TEKT1: variants seen among roughly 807,000 people sequenced by gnomAD.
TEKT1 encodes the protein tektin-1.
TEKT1 carries 32 observed loss-of-function variants against 34.8 expected under a neutral mutation model. The observed-to-expected ratio is 0.92, with a 90% CI of 0.69 to 1.23. The LOEUF (loss-of-function observed/expected upper bound fraction) is 1.23, where lower values mean the gene tolerates loss of function less well. Among genes scored for constraint, TEKT1 ranks in the 50% most tolerant of loss-of-function variants. The pLI, the probability that TEKT1 is intolerant of heterozygous loss-of-function variation, is 0.00. For synonymous variants in TEKT1, 207 were observed against 199.8 expected, an observed-to-expected ratio of 1.04 and a Z score of -0.30; for missense variants, 492 against 518.5, an observed-to-expected ratio of 0.95 and a Z score of 0.50.
At chr17:6,813,684 C>T (rs1430419752) in intron 5 of TEKT1, among the ~76,000 whole-genome samples, 1 of 151,526 alleles carries the variant, frequency 6.6e-6, no homozygotes, top group Non-Finnish European at 1.5e-5. Context: ...GAGGGAGGGA[C>T]TATTGATTGG....
At position 6,825,545 on chromosome 17, in the gene TEKT1, G is replaced by A. The variant is rs955662496; in HGVS notation, c.190+4642C>T. Among the ~76,000 whole-genome samples, 5 of 152,250 alleles carry A rather than the reference G, an allele frequency of 3.3e-5. No individual in the cohort carries two copies. The East Asian group carries it at 9.6e-4, about 29-fold the overall frequency. ...GAGTACACATATCATAAAATTCAAT[G>A]TATTTTCATAGTGAACACACACATA... On this transcript the variant is annotated intron_variant, in intron 2 of 7. Coordinates refer to ENST00000338694, the MANE Select transcript of TEKT1 (RefSeq NM_053285.2).
intron 3 of TEKT1, 132 bp from the exon 4 acceptor site, chr17:6,816,094 T>C: frequency 7.9e-7 from 1 of 1,259,736 alleles, no homozygotes; most frequent in Non-Finnish European, 1.1e-6. Context: ...GATGACACAG[T>C]GGGTGACAGA....
At chr17:6,812,013 C>T (rs1259379268) in intron 6 of TEKT1, among the ~76,000 whole-genome samples, 2 of 152,006 alleles carry the variant, frequency 1.3e-5, no homozygotes, top group Non-Finnish European at 1.5e-5. Context: ...CATTGTAATC[C>T]CCACATGTTG....
chr17:6,816,736 G>A (rs1040987643), intron 3 of TEKT1, among the ~76,000 whole-genome samples: 4 of 152,114 alleles, frequency 2.6e-5, no homozygotes, highest in South Asian at 2.1e-4. Context: ...TAATCCTTTG[G>A]GTATATACCC....
chr17:6,819,053 A>G (rs1977048328), intron 3 of TEKT1, 140 bp downstream of exon 3: 1 of 1,015,030 alleles, frequency 9.9e-7, no homozygotes, highest in African/African-American at 1.6e-5. Context: ...CACCAGGGGC[A>G]TGCTGGGATA....
At chr17:6,818,585 T>A (rs1270517220) in intron 3 of TEKT1, among the ~76,000 whole-genome samples, 6 of 152,174 alleles carry the variant, frequency 3.9e-5, no homozygotes, top group Admixed American at 1.3e-4. Context: ...AACCCCTGGT[T>A]TTTTGGCTGA....
intron 3 of TEKT1, among the ~76,000 whole-genome samples, chr17:6,818,280 A>G (rs1597791456): frequency 6.6e-6 from 1 of 152,192 alleles, no homozygotes; most frequent in East Asian, 1.9e-4. Context: ...AGTTCACTCA[A>G]CAGCCAGTGT....
Position 6,800,163 on chromosome 17 carries a change from T to C in TEKT1, c.1121A>G (p.Glu374Gly). Residue 374 changes from glutamate to glycine, a missense_variant, in exon 8 of 8, where the codon GAG becomes GGG. Transcript: ENST00000338694. ...GLHRRQLALQ[E>G]EIQVKENTIY... ...GGTGTTCTCTTTGACCTGGATCTCC[T>C]CCTGCAGGGCAAGCTGTCTGCGATG... 1 of 1,614,214 alleles carries C rather than the reference T, an allele frequency of 6.2e-7. No homozygotes were observed. Among genetic ancestry groups the C allele is most frequent in the Non-Finnish European group, 8.5e-7 (1 of 1,180,036 alleles).
intron 6 of TEKT1, among the ~76,000 whole-genome samples, chr17:6,803,942 A>G (rs9635710): frequency 0.67 from 101,001 of 151,646 alleles, 35,035 homozygotes; most frequent in African/African-American, 0.88. Context: ...TGGCAATGCC[A>G]GCCCTTTTTT....
chr17:6,819,096 G>A (rs1435095224), intron 3 of TEKT1, 97 bp downstream of exon 3: 5 of 1,412,876 alleles, frequency 3.5e-6, no homozygotes, highest in Non-Finnish European at 4.8e-6. Flanking sequence ...CTGCTCAAGT[G>A]CTGTGTTCTA....
Position 6,828,744 on chromosome 17 carries a change from G to A in TEKT1, c.190+1443C>T, listed in dbSNP as rs117618099. Among the ~76,000 whole-genome samples the A allele has an allele frequency of 3.4e-4, 51 of 152,202 alleles. No individual in the cohort carries two copies. In the East Asian group the frequency reaches 6.4e-3, roughly 19 times the overall value. Reference sequence around the variant, plus strand: ...GTTAATCCCTTTTTGGCATTTAGCCGACGTTGGTTGTTTGTTTTGTTTTAT... The same window carrying A: ...GTTAATCCCTTTTTGGCATTTAGCCAACGTTGGTTGTTTGTTTTGTTTTAT... On this transcript the variant is annotated intron_variant, in intron 2 of 7. Transcript: ENST00000338694.
chr17:6,816,594 G>A (rs1025608138), intron 3 of TEKT1, among the ~76,000 whole-genome samples: 4 of 152,182 alleles, frequency 2.6e-5, no homozygotes, highest in Admixed American at 2.6e-4. Flanking sequence ...GTATTCCATG[G>A]TGTATATGTG....
intron 6 of TEKT1, among the ~76,000 whole-genome samples, 187 bp downstream of exon 6, chr17:6,812,644 C>A (rs1386556081): frequency 6.6e-6 from 1 of 152,204 alleles, no homozygotes; most frequent in Non-Finnish European, 1.5e-5. Context: ...GGGGCAAAGT[C>A]CCGCTCCAGT....
chr17:6,813,712 G>A (rs571483602), intron 5 of TEKT1, among the ~76,000 whole-genome samples: 1 of 152,216 alleles, frequency 6.6e-6, no homozygotes, highest in South Asian at 2.1e-4. Context: ...CAGGATGATA[G>A]GGATGGTGAT....
At chr17:6,829,448 TTTTCTCTTTCTTTTC>T (rs955519478) in intron 2 of TEKT1, among the ~76,000 whole-genome samples, 20 of 151,938 alleles carry the variant, frequency 1.3e-4, no homozygotes, top group Non-Finnish European at 2.6e-4. Context: ...TATACTTTCC[TTTTCTCTTTCTTTTC>T]TTTCTCTTTC....
intron 2 of TEKT1, among the ~76,000 whole-genome samples, chr17:6,824,043 T>C (rs1012808775): frequency 3.6e-4 from 55 of 151,930 alleles, no homozygotes; most frequent in Non-Finnish European, 2.9e-4. Context: ...AGGATGGTCT[T>C]GATCTCCTGA....
chr17:6,812,826 C>T lies in TEKT1; in HGVS notation c.852+5G>A, dbSNP rs1321126773. 3.7e-6 allele frequency: 6 copies of T among 1,612,848 alleles called. No homozygotes were observed. In the East Asian group the frequency reaches 1.3e-4, roughly 36 times the overall value. On this transcript the variant is annotated splice_donor_5th_base_variant and intron_variant, in intron 6 of 7. Coordinates refer to ENST00000338694, the MANE Select transcript of TEKT1 (RefSeq NM_053285.2). ...CTTCTTCCATGCTCCCTCAAGGGAC[C>T]TCACCTTGGCCAGATGATCAGCCAG...
At chr17:6,819,940 G>A (rs757109870) in intron 2 of TEKT1, among the ~76,000 whole-genome samples, 4 of 152,036 alleles carry the variant, frequency 2.6e-5, no homozygotes, top group East Asian at 1.9e-4. Context: ...CGCCTGCCTC[G>A]GCCTCCCAAA....
Position 6,800,762 on chromosome 17 carries a change from G to A in TEKT1, c.1034C>T (p.Thr345Ile), listed in dbSNP as rs565706981. The A allele has an allele frequency of 1.2e-6, 2 of 1,612,738 alleles. No individual in the cohort carries two copies. The highest frequency in any genetic ancestry group is 1.7e-5 in the Admixed American group (1 of 59,910). ...YRLMKEVQEI[T>I]HNVARLKETL... is the part of the protein sequence containing the mutation. The stretch of plus-strand genomic sequence containing the variant: ...GCTAGCCTACCTTGCGACATTGTGG[G>A]TGATCTCTTGAACCTCCTTCATTAG... The change falls in exon 7 of 8, where the codon ACC becomes ATC. Residue 345 changes from threonine to isoleucine, a missense_variant. By Grantham distance (89) the Thr-to-Ile change is moderately conservative (BLOSUM62 -1). Transcript: ENST00000338694.
Sources: allele counts gnomAD v4.1 joint callset (sites outside exome capture counted in the v4.1 genomes callset), GRCh38; gene constraint gnomAD v4.1.1; transcripts MANE v1.5; gene names NCBI Gene and HGNC (gene_info 2026-07-23, HGNC 2026-07-21).